GCFC2: variants seen among roughly 807,000 people sequenced by gnomAD.
The protein encoded by GCFC2 is GC-rich sequence DNA-binding factor 2.
Under a neutral mutation model 99.4 loss-of-function variants are expected in GCFC2, and 102 were observed. The ratio of observed to expected loss-of-function variants is 1.03; its 90% CI spans 0.87 to 1.21. The LOEUF is 1.21. GCFC2 is among the 50% of genes most tolerant of loss of function. The pLI is 0.00. For synonymous variants in GCFC2, 338 were observed against 316.8 expected (o/e 1.07, Z -0.71); for missense variants, 973 against 920.9 (o/e 1.06, Z -0.73).
intron 11 of GCFC2, 55 bp downstream of exon 11, chr2:75,687,772 C>T (rs1573065702): frequency 5.9e-6 from 8 of 1,353,926 alleles, no homozygotes; most frequent in Non-Finnish European, 3.1e-6. Context: ...AAATTAACAA[C>T]CTTATATACT....
At chr2:75,695,569 T>G (rs189168667) in intron 5 of GCFC2, among the ~76,000 whole-genome samples, 4 of 152,318 alleles carry the variant, frequency 2.6e-5, no homozygotes. Flanking sequence ...AGTCACCCCT[T>G]AATCATGGGG....
intron 12 of GCFC2, among the ~76,000 whole-genome samples, chr2:75,675,546 C>A (rs546003182): frequency 1.3e-5 from 2 of 151,898 alleles, no homozygotes; most frequent in African/African-American, 4.8e-5. Flanking sequence ...AGTTTGAGAC[C>A]AGCCTGGCCA....
At chr2:75,705,361 C>T (rs62148729) in intron 2 of GCFC2, among the ~76,000 whole-genome samples, 37,375 of 151,786 alleles carry the variant, frequency 0.25, 5,228 homozygotes, top group East Asian at 0.4. Flanking sequence ...TGGTGGCTCA[C>T]GTCTGTAATC....
chr2:75,692,819 G>C (rs1314138115), intron 6 of GCFC2, among the ~76,000 whole-genome samples: 1 of 152,030 alleles, frequency 6.6e-6, no homozygotes, highest in Non-Finnish European at 1.5e-5. Context: ...GGTGAAATTT[G>C]AAAAATCGGG....
At chr2:75,672,669 T>C (rs1043513128) in intron 13 of GCFC2, among the ~76,000 whole-genome samples, 1 of 152,150 alleles carries the variant, frequency 6.6e-6, no homozygotes, top group African/African-American at 2.4e-5. Context: ...AATTTACAGG[T>C]GCAGTTTCTC....
At chr2:75,707,765 T>C (rs1166949457) in intron 1 of GCFC2, among the ~76,000 whole-genome samples, 1 of 125,448 alleles carries the variant, frequency 8.0e-6, no homozygotes, top group Non-Finnish European at 1.9e-5. Context: ...TTTGTTCTTT[T>C]TACCATGTTG....
At chr2:75,697,065 C>A (rs561325232) in intron 4 of GCFC2, among the ~76,000 whole-genome samples, 1 of 152,340 alleles carries the variant, frequency 6.6e-6, no homozygotes, top group South Asian at 2.1e-4. Context: ...GGATTACAGG[C>A]ATGAGCCACC....
At chr2:75,687,573 CT>C (rs1679875324) in intron 11 of GCFC2, among the ~76,000 whole-genome samples, 1 of 152,154 alleles carries the variant, frequency 6.6e-6, no homozygotes, top group Non-Finnish European at 1.5e-5. Context: ...GAAGGGTCAA[CT>C]GTTGGAACTG....
intron 12 of GCFC2, among the ~76,000 whole-genome samples, chr2:75,674,669 T>TAAA (rs1250565978): frequency 6.6e-6 from 1 of 151,952 alleles, no homozygotes; most frequent in African/African-American, 2.4e-5. Flanking sequence ...CACATTAGAG[T>TAAA]AAAAGTTAAT....
rs185227209 is a variant in GCFC2, at chr2:75,701,692, C to T, written c.620-405G>A. 1.0e-3 allele frequency: 196 copies of T among 195,778 alleles called. 1 individual carries two copies. Among genetic ancestry groups the T allele is most frequent in the Middle Eastern group, 7.5e-3 (3 of 398 alleles). The allele number at this position is 195,778 out of a possible 1,614,324, so 12.1% of individuals were successfully genotyped here. On this transcript the variant is annotated intron_variant, in intron 3 of 16. Coordinates refer to ENST00000321027, the MANE Select transcript of GCFC2 (RefSeq NM_003203.5). Reference sequence around the variant, plus strand: ...ACACTTAAAAATAAATTGTAAGGAACTAAGTCCTTTTCTGAAAAAAATATT... The same window carrying T: ...ACACTTAAAAATAAATTGTAAGGAATTAAGTCCTTTTCTGAAAAAAATATT...
rs1448474898 is a variant in GCFC2 at position 75,670,135 on chromosome 2, T to TA, written c.2103+2dup. ...TTAGAATCAGTCTTCCTTCACAACTTACCTGGTTGCACTTTTTAACCACAT... is the reference window on the plus strand; with the variant it reads ...TTAGAATCAGTCTTCCTTCACAACTTAACCTGGTTGCACTTTTTAACCACAT... On this transcript the variant is annotated splice_region_variant and intron_variant, in intron 15 of 16. Transcript: ENST00000321027. 1 of 1,586,782 alleles carries TA rather than the reference T, an allele frequency of 6.3e-7. No homozygotes were observed. The highest frequency in any genetic ancestry group is 1.1e-5 in the South Asian group (1 of 89,080).
chr2:75,690,776 TG>T, intron 7 of GCFC2, 57 bp from the exon 8 acceptor site: 1 of 842,434 alleles, frequency 1.2e-6, no homozygotes, highest in South Asian at 1.5e-5. Flanking sequence ...AAAAGTAAAA[TG>T]CTTTGAAAAT....
chr2:75,676,811 A>T (rs1573051654), intron 12 of GCFC2, among the ~76,000 whole-genome samples: 1 of 152,204 alleles, frequency 6.6e-6, no homozygotes, highest in South Asian at 2.1e-4. Flanking sequence ...CAATTTCTTG[A>T]ATCAGTCAAT....
intron 2 of GCFC2, among the ~76,000 whole-genome samples, chr2:75,702,875 G>C (rs979697381): frequency 5.3e-5 from 8 of 152,292 alleles, no homozygotes; most frequent in African/African-American, 1.9e-4. Context: ...ACTACACTAT[G>C]ATGTCCTCCT....
At chr2:75,684,648 G>A (rs1002347786) in intron 11 of GCFC2, among the ~76,000 whole-genome samples, 5 of 152,178 alleles carry the variant, frequency 3.3e-5, no homozygotes, top group South Asian at 4.1e-4. Flanking sequence ...ACAGTGTGGC[G>A]ACTGCTCAAG....
At chr2:75,677,268 T>C (rs1049234530) in intron 12 of GCFC2, among the ~76,000 whole-genome samples, 1 of 152,238 alleles carries the variant, frequency 6.6e-6, no homozygotes, top group Non-Finnish European at 1.5e-5. Flanking sequence ...TTACAGCATT[T>C]CCTTCTAACT....
At chr2:75,677,157 G>C (rs1679378434) in intron 12 of GCFC2, among the ~76,000 whole-genome samples, 1 of 152,172 alleles carries the variant, frequency 6.6e-6, no homozygotes, top group Non-Finnish European at 1.5e-5. Context: ...ACAGATTATA[G>C]TAATTACTGC....
intron 1 of GCFC2, among the ~76,000 whole-genome samples, chr2:75,709,809 T>A (rs10186298): frequency 0.42 from 64,559 of 152,072 alleles, 13,753 homozygotes; most frequent in African/African-American, 0.47. Flanking sequence ...AGTATATACA[T>A]TTTTTACTTC....
rs1352989846 is a variant in GCFC2 at position 75,689,184 on chromosome 2, G to A, written c.1381C>T (p.Gln461Ter). Residue 461 changes from glutamine (Q) to a stop codon, truncating the protein, a stop_gained, in exon 10 of 17, where the codon CAA (glutamine) becomes TAA (stop). Transcript: ENST00000321027. LOFTEE classifies it high-confidence loss of function. ...QKQKKVFEEV[Q>*]DDFCNIQNIL... ...TTCTGGATGTTACAAAAATCATCTT[G>A]CACTTCTTCAAAAACTTTCTTCTGT... is the stretch of plus-strand genomic sequence containing the variant. 3 of 1,603,198 alleles carry A rather than the reference G, an allele frequency of 1.9e-6. No homozygotes were observed. The African/African-American group carries it at 4.0e-5, about 22-fold the overall frequency.
Sources: gnomAD v4.1 joint callset for allele counts (sites outside exome capture counted in the v4.1 genomes callset) on GRCh38, gnomAD v4.1.1 for gene constraint, MANE v1.5 for transcripts, NCBI Gene and HGNC (gene_info 2026-07-23, HGNC 2026-07-21) for gene names.